Variants in RNF145 observed in about 807,000 individuals in gnomAD.
RNF145 encodes ring finger protein 145.
RNF145 carries 12 observed loss-of-function variants against 57.3 expected under a neutral mutation model. The ratio of observed to expected loss-of-function variants is 0.21; its 90% CI spans 0.13 to 0.34. RNF145 has a LOEUF of 0.34. Ranked by LOEUF, RNF145 falls within the 10% of genes least tolerant of loss-of-function variation. RNF145 has a pLI of 1.00. For synonymous variants in RNF145, 262 were observed against 288.3 expected (o/e 0.91, Z 0.92); for missense variants, 429 against 799.0 (o/e 0.54, Z 5.58).
At position 159,209,368 on chromosome 5, in the gene RNF145, C is replaced by G; in HGVS notation, c.-177G>C. On this transcript the variant is annotated 5_prime_UTR_variant, in exon 1 of 11. Coordinates refer to ENST00000424310, the MANE Select transcript of RNF145 (RefSeq NM_001199383.2). ...TACGGCACGGCTCACAGCGGCGGCTCTTCTGCGCCGAGCCTCGGATGTTGC... is the reference window on the plus strand; with the variant it reads ...TACGGCACGGCTCACAGCGGCGGCTGTTCTGCGCCGAGCCTCGGATGTTGC... 1.0e-6 allele frequency: 1 copy of G among 986,106 alleles called. No homozygotes were observed. Among genetic ancestry groups the G allele is most frequent in the Non-Finnish European group, 1.2e-6 (1 of 830,018 alleles). The allele number at this position is 986,106 out of a possible 1,614,324, so 61.1% of individuals were successfully genotyped here. A position where few individuals can be genotyped will look rare whatever the true frequency, so the allele number is the denominator to read the frequency against.
intron 3 of RNF145, among the ~76,000 whole-genome samples, chr5:159,189,719 T>C (rs1438013514): frequency 6.6e-6 from 1 of 152,222 alleles, no homozygotes; most frequent in East Asian, 1.9e-4. Context: ...ATTGGATGTA[T>C]AAACAAAATG....
rs749733882 is a variant in RNF145 at position 159,158,771 on chromosome 5, C to T, written c.1891G>A (p.Glu631Lys). Reference sequence around the variant, plus strand: ...TTATCTGGTCGTCTGGCAATGTACTCATTATTGTCCCTGGAACCTTCCTGT... The same window carrying T: ...TTATCTGGTCGTCTGGCAATGTACTTATTATTGTCCCTGGAACCTTCCTGT... Reference protein sequence around the residue: ...RIQEGSRDNNEYIARRPDNQE... With the variant: ...RIQEGSRDNNKYIARRPDNQE... Residue 631 changes from glutamate (E) to lysine (K), a missense_variant, in exon 11 of 11, where the codon GAG becomes AAG. Coordinates refer to ENST00000424310, the MANE Select transcript of RNF145 (RefSeq NM_001199383.2). 3 of 1,613,958 alleles carry T rather than the reference C, an allele frequency of 1.9e-6. No individual in the cohort carries two copies. Among genetic ancestry groups the T allele is most frequent in the South Asian group, 2.2e-5 (2 of 91,076 alleles).
upstream of RNF145, chr5:159,209,784 G>A (rs137957161): frequency 4.5e-4 from 638 of 1,424,594 alleles, 3 homozygotes; most frequent in Middle Eastern, 4.6e-3. Flanking sequence ...TGTGACAGGC[G>A]CCATTCTGAC....
intron 8 of RNF145, among the ~76,000 whole-genome samples, chr5:159,168,591 A>C (rs1315096539): frequency 6.6e-6 from 1 of 152,202 alleles, no homozygotes; most frequent in East Asian, 1.9e-4. Context: ...GACAAATATA[A>C]AAAGTATTAA....
upstream of RNF145, chr5:159,209,613 G>C: frequency 9.4e-7 from 1 of 1,068,368 alleles, no homozygotes; most frequent in African/African-American, 1.7e-5. Context: ...AGCGCGGCGC[G>C]CCCCTCCCGC....
intron 9 of RNF145, 138 bp downstream of exon 9, chr5:159,162,794 G>C: frequency 3.1e-6 from 2 of 654,434 alleles, no homozygotes; most frequent in Admixed American, 3.4e-5. Flanking sequence ...AATGTAATGT[G>C]TTCTAGTAAA....
intron 3 of RNF145, among the ~76,000 whole-genome samples, chr5:159,185,049 C>T (rs1301967269): frequency 6.6e-6 from 1 of 152,172 alleles, no homozygotes; most frequent in Non-Finnish European, 1.5e-5. Flanking sequence ...TACTGCCCCC[C>T]ACATTCCTGT....
chr5:159,208,226 G>C, intron 1 of RNF145: 1 of 1,185,474 alleles, frequency 8.4e-7, no homozygotes. Context: ...GCAGCAACCG[G>C]GCCGCCGCCG....
At chr5:159,208,281 A>T (rs1233897967) in intron 1 of RNF145, 6 of 507,366 alleles carry the variant, frequency 1.2e-5, no homozygotes, top group Non-Finnish European at 1.8e-5. Flanking sequence ...CTTCCAGGAA[A>T]GAGGCTCGAG....
chr5:159,184,085 CTT>C (rs1784984033), intron 3 of RNF145, among the ~76,000 whole-genome samples: 1 of 152,154 alleles, frequency 6.6e-6, no homozygotes, highest in Admixed American at 6.5e-5. Context: ...CCAAGTGTCT[CTT>C]TGTGAGGGAC....
At chr5:159,198,075 A>C (rs1785518430) in intron 2 of RNF145, among the ~76,000 whole-genome samples, 1 of 151,762 alleles carries the variant, frequency 6.6e-6, no homozygotes, top group Non-Finnish European at 1.5e-5. Context: ...TCCTGTCTCT[A>C]CAAAAAAATA....
At chr5:159,178,190 TTTTTAA>T (rs755775913) in intron 4 of RNF145, among the ~76,000 whole-genome samples, 3 of 151,990 alleles carry the variant, frequency 2.0e-5, no homozygotes, top group African/African-American at 4.8e-5. Context: ...TTTTAGCTAA[TTTTTAA>T]TTTTAACTTA....
chr5:159,209,003 C>A (rs529222866), intron 1 of RNF145, among the ~76,000 whole-genome samples: 1 of 151,354 alleles, frequency 6.6e-6, no homozygotes, highest in African/African-American at 2.4e-5. Flanking sequence ...AGGGAGGCGA[C>A]CACCGCGGGA....
At chr5:159,162,425 C>CTTTTTTTTTTTT (rs201178143) in intron 9 of RNF145, among the ~76,000 whole-genome samples, 7 of 134,570 alleles carry the variant, frequency 5.2e-5, no homozygotes, top group Non-Finnish European at 7.9e-5. Flanking sequence ...GTAATATTTT[C>CTTTTTTTTTTTT]TTTTTTTTTT....
rs577583408 is a variant in RNF145 at position 159,195,522 on chromosome 5, T to C, written c.185-698A>G. The stretch of plus-strand genomic sequence containing the variant: ...CTAAAGAAAGTTGGAAGTCAACGAC[T>C]GCCTACTTATCACATCTAAGACATC... On this transcript the variant is annotated intron_variant, in intron 2 of 10. Coordinates refer to ENST00000424310, the MANE Select transcript of RNF145 (RefSeq NM_001199383.2). Among the ~76,000 whole-genome samples the C allele has an allele frequency of 4.3e-4, 66 of 152,308 alleles. 2 individuals are homozygous for C. The highest frequency in any genetic ancestry group is 1.4e-3 in the African/African-American group (60 of 41,572).
intron 10 of RNF145, among the ~76,000 whole-genome samples, chr5:159,160,938 C>T (rs1400163778): frequency 6.6e-6 from 1 of 152,136 alleles, no homozygotes; most frequent in Non-Finnish European, 1.5e-5. Flanking sequence ...TTGCTGACCC[C>T]TCATGGATAG....
chr5:159,175,140 AG>A (rs1350202286), intron 5 of RNF145, among the ~76,000 whole-genome samples: 1 of 152,192 alleles, frequency 6.6e-6, no homozygotes, highest in Non-Finnish European at 1.5e-5. Context: ...AGTAAAGCAA[AG>A]GCTTTTTCTA....
At position 159,200,461 on chromosome 5, in the gene RNF145, G is replaced by A. The variant is rs112026617; in HGVS notation, c.184+2973C>T. On this transcript the variant is annotated intron_variant, in intron 2 of 10. Transcript: ENST00000424310. ...AATGAGAAAAAAATGGACTAAATAGGTGAGGATGACTGTGTGGTTATCTAG... is the reference window on the plus strand; with the variant it reads ...AATGAGAAAAAAATGGACTAAATAGATGAGGATGACTGTGTGGTTATCTAG... Among the ~76,000 whole-genome samples the A allele has an allele frequency of 2.3e-3, 353 of 152,172 alleles. 3 individuals carry two copies. The highest frequency in any genetic ancestry group is 9.1e-3 in the East Asian group (47 of 5,180).
Position 159,157,656 on chromosome 5 carries a change from A to G in RNF145, c.*1014T>C, listed in dbSNP as rs1784085265. On this transcript the variant is annotated 3_prime_UTR_variant, in exon 11 of 11. Coordinates refer to ENST00000424310, the MANE Select transcript of RNF145 (RefSeq NM_001199383.2). ...CCATGATGAATGTAAAAATTTAAAT[A>G]TGACACATCCTTGTCAAAGAAAAGG... is the stretch of plus-strand genomic sequence containing the variant. The G allele has an allele frequency of 6.5e-6, 1 of 152,758 alleles. No homozygotes were observed. The highest frequency in any genetic ancestry group is 6.5e-5 in the Admixed American group (1 of 15,286). 9.5% of individuals were successfully genotyped at this position (152,758 alleles called of 1,614,324 possible).
Sources: gnomAD v4.1 joint callset for allele counts (sites outside exome capture counted in the v4.1 genomes callset) on GRCh38, gnomAD v4.1.1 for gene constraint, MANE v1.5 for transcripts, NCBI Gene and HGNC (gene_info 2026-07-23, HGNC 2026-07-21) for gene names.